Variants in SHISA9 observed in about 807,000 individuals in gnomAD.
SHISA9 encodes shisa family member 9.
A neutral mutation model predicts 38.0 loss-of-function variants in SHISA9; 13 were observed. The ratio of observed to expected loss-of-function variants is 0.34; its 90% CI spans 0.22 to 0.54. The LOEUF is 0.54. Ranked by LOEUF, SHISA9 falls within the 20% of genes least tolerant of loss-of-function variation. The probability of loss-of-function intolerance (pLI) is 0.91; values close to 1 mark genes in which losing one functional copy is unlikely to be tolerated. For missense variants in SHISA9, 538 were observed against 575.8 expected, an observed-to-expected ratio of 0.93 and a Z score of 0.67; for synonymous variants, 275 against 242.0, an observed-to-expected ratio of 1.14 and a Z score of -1.27.
At chr16:13,296,428 G>T in the SHISA9 span, among the ~76,000 whole-genome samples, 16 of 151,212 alleles carry the variant, frequency 1.1e-4, no homozygotes, top group Non-Finnish European at 2.1e-4. Context: ...GCACGCAGGG[G>T]GGAAAAAAAC....
intron 2 of SHISA9, among the ~76,000 whole-genome samples, chr16:13,076,373 G>A (rs954257043): frequency 3.9e-5 from 6 of 152,140 alleles, no homozygotes; most frequent in Admixed American, 3.3e-4. Context: ...CTCTGCCTCT[G>A]CAAATATTCT....
At chr16:13,069,157 GTATA>G (rs547630337) in intron 2 of SHISA9, among the ~76,000 whole-genome samples, 1 of 151,012 alleles carries the variant, frequency 6.6e-6, no homozygotes, top group Non-Finnish European at 1.5e-5. Context: ...GCATGTATGT[GTATA>G]TATGTGTGTA....
intron 2 of SHISA9, among the ~76,000 whole-genome samples, chr16:12,990,010 T>C (rs1316013707): frequency 6.6e-6 from 1 of 152,172 alleles, no homozygotes; most frequent in Non-Finnish European, 1.5e-5. Flanking sequence ...AGCTCCCACT[T>C]ATAAGTGAGA....
intron 2 of SHISA9, among the ~76,000 whole-genome samples, chr16:12,997,584 T>G (rs2072474067): frequency 6.6e-6 from 1 of 151,968 alleles, no homozygotes. Context: ...TTTTTGTATT[T>G]TTGTAGAGAT....
chr16:13,460,447 C>A, the SHISA9 span, among the ~76,000 whole-genome samples: 2 of 152,164 alleles, frequency 1.3e-5, no homozygotes, highest in African/African-American at 4.8e-5. Flanking sequence ...GGAGGAACCC[C>A]AAGATCAGAA....
the SHISA9 span, among the ~76,000 whole-genome samples, chr16:13,252,605 T>G: frequency 6.6e-6 from 1 of 152,238 alleles, no homozygotes; most frequent in Non-Finnish European, 1.5e-5. Context: ...CTGTTGATAC[T>G]GAAGCTTGCG....
the SHISA9 span, among the ~76,000 whole-genome samples, chr16:13,389,106 A>G: frequency 1.4e-4 from 21 of 152,146 alleles, no homozygotes; most frequent in Non-Finnish European, 2.4e-4. Context: ...TCCAGGGTTC[A>G]CTTTTGGTGT....
the SHISA9 span, among the ~76,000 whole-genome samples, chr16:13,306,306 G>C: frequency 1.3e-5 from 2 of 152,138 alleles, no homozygotes; most frequent in South Asian, 4.1e-4. Flanking sequence ...AGTTAAACAA[G>C]TGGTGGTTGT....
At chr16:12,924,994 A>T (rs2071375185) in intron 2 of SHISA9, among the ~76,000 whole-genome samples, 1 of 152,258 alleles carries the variant, frequency 6.6e-6, no homozygotes, top group South Asian at 2.1e-4. Context: ...GCCTGGTAAC[A>T]TAAATATTAG....
At chr16:13,076,069 C>T in intron 2 of SHISA9, among the ~76,000 whole-genome samples, 1 of 146,356 alleles carries the variant, frequency 6.8e-6, no homozygotes, top group East Asian at 2.0e-4. Context: ...CTCGCTCTGT[C>T]ACCTAGGCTG....
intron 4 of SHISA9, 112 bp downstream of exon 4, chr16:13,213,412 G>C: frequency 2.1e-6 from 2 of 946,294 alleles, no homozygotes; most frequent in Non-Finnish European, 3.2e-6. Flanking sequence ...ATGTGTGTCT[G>C]CATAGGGTGG....
At chr16:13,229,315 T>C (rs1474851905) in intron 4 of SHISA9, among the ~76,000 whole-genome samples, 3 of 152,196 alleles carry the variant, frequency 2.0e-5, no homozygotes, top group Admixed American at 6.5e-5. Context: ...ATGACAGTCA[T>C]GATAAATGCC....
intron 2 of SHISA9, among the ~76,000 whole-genome samples, chr16:13,158,593 A>T (rs1325836651): frequency 6.6e-6 from 1 of 152,190 alleles, no homozygotes; most frequent in Non-Finnish European, 1.5e-5. Flanking sequence ...ATTCAAAGAC[A>T]CATCTGATTG....
intron 2 of SHISA9, among the ~76,000 whole-genome samples, chr16:12,988,656 C>G (rs1000555227): frequency 6.6e-6 from 1 of 152,032 alleles, no homozygotes; most frequent in Non-Finnish European, 1.5e-5. Flanking sequence ...ACCCGAGTAG[C>G]TGAGATTATA....
At chr16:13,474,452 C>T in the SHISA9 span, 5 of 152,236 alleles carry the variant, frequency 3.3e-5, no homozygotes, top group East Asian at 7.7e-4. Context: ...ATGAATTATA[C>T]CGTTTAATCT....
At chr16:13,052,818 T>C (rs985222686) in intron 2 of SHISA9, among the ~76,000 whole-genome samples, 31 of 152,152 alleles carry the variant, frequency 2.0e-4, no homozygotes, top group African/African-American at 6.8e-4. Flanking sequence ...TTTGGTTCAC[T>C]ACCCAGAAGC....
chr16:13,015,212 G>A (rs1284546481), intron 2 of SHISA9, among the ~76,000 whole-genome samples: 2 of 152,142 alleles, frequency 1.3e-5, no homozygotes, highest in Non-Finnish European at 2.9e-5. Context: ...TATTGTCTGT[G>A]GCACCTTTTG....
chr16:12,919,964 A>G (rs2071306442), intron 2 of SHISA9, among the ~76,000 whole-genome samples: 1 of 152,166 alleles, frequency 6.6e-6, no homozygotes, highest in Non-Finnish European at 1.5e-5. Flanking sequence ...AGTGCTATGA[A>G]CATACCCTAC....
At chr16:13,194,269 C>T (rs1239545638) in intron 2 of SHISA9, among the ~76,000 whole-genome samples, 3 of 152,128 alleles carry the variant, frequency 2.0e-5, no homozygotes, top group Non-Finnish European at 4.4e-5. Flanking sequence ...TCCAAATGTG[C>T]GTGACTTCAC....
Sources: allele counts gnomAD v4.1 joint callset (sites outside exome capture counted in the v4.1 genomes callset), GRCh38; gene constraint gnomAD v4.1.1; transcripts MANE v1.5; gene names NCBI Gene and HGNC (gene_info 2026-07-23, HGNC 2026-07-21).